The following CHMP2B variants were observed in gnomAD, a reference collection of about 807,000 sequenced individuals.
CHMP2B encodes VPS2 homolog B.
Under a neutral mutation model 29.8 loss-of-function variants are expected in CHMP2B, and 22 were observed. The observed-to-expected ratio is 0.74, with a 90% CI of 0.53 to 1.05. The LOEUF (loss-of-function observed/expected upper bound fraction) is 1.05. Among genes scored for constraint, CHMP2B ranks in the 50% least tolerant of loss-of-function variants. The pLI is 0.00. For missense variants in CHMP2B, 261 were observed against 252.2 expected, an observed-to-expected ratio of 1.03 and a Z score of -0.24; for synonymous variants, 78 against 75.8, an observed-to-expected ratio of 1.03 and a Z score of -0.15.
At chr3:87,230,328 A>G (rs1299076749) in intron 1 of CHMP2B, among the ~76,000 whole-genome samples, 3 of 152,196 alleles carry the variant, frequency 2.0e-5, no homozygotes, top group Admixed American at 6.5e-5. Flanking sequence ...CATAAAACAT[A>G]TAAGTACTCA....
intron 1 of CHMP2B, among the ~76,000 whole-genome samples, chr3:87,235,462 G>A (rs961624219): frequency 9.2e-5 from 14 of 151,990 alleles, no homozygotes; most frequent in Non-Finnish European, 1.3e-4. Flanking sequence ...AACATTAGCC[G>A]CTCTGAGTTT....
chr3:87,253,293 G>A, intron 4 of CHMP2B, 111 bp from the exon 5 acceptor site: 1 of 714,896 alleles, frequency 1.4e-6, no homozygotes. Context: ...TTTGTTCACT[G>A]AGTTTGCCTT....
rs544535734 is a variant in CHMP2B, at chr3:87,241,077, CCTT to C, written c.126+291_126+293del. On this transcript the variant is annotated intron_variant, in intron 2 of 5. Coordinates refer to ENST00000263780, the MANE Select transcript of CHMP2B (RefSeq NM_014043.4). ...AGAAAGATTGCTCAAGACAGAACCA[CCTT>C]CTTAGTTAACAGGAAGATGAAATAG... 2.6e-3 allele frequency among the ~76,000 whole-genome samples: 400 copies of C among 152,220 alleles called. 3 individuals are homozygous for C. Among genetic ancestry groups the C allele is most frequent in the Non-Finnish European group, 3.0e-3 (202 of 68,004 alleles).
At chr3:87,237,387 C>G (rs1231334409) in intron 1 of CHMP2B, among the ~76,000 whole-genome samples, 2 of 152,164 alleles carry the variant, frequency 1.3e-5, no homozygotes, top group African/African-American at 4.8e-5. Flanking sequence ...AAAAGGCCAT[C>G]TGAGAACACA....
At chr3:87,238,238 A>T (rs1339994630) in intron 1 of CHMP2B, among the ~76,000 whole-genome samples, 1 of 152,234 alleles carries the variant, frequency 6.6e-6, no homozygotes, top group Admixed American at 6.5e-5. Flanking sequence ...TTCATATAAC[A>T]TTAACCATTT....
chr3:87,233,542 C>A (rs1277749613), intron 1 of CHMP2B, among the ~76,000 whole-genome samples: 2 of 152,052 alleles, frequency 1.3e-5, no homozygotes, highest in Non-Finnish European at 2.9e-5. Context: ...CTCCATCATG[C>A]CTAGTTAGCT....
Position 87,246,128 on chromosome 3 carries a change from G to A in CHMP2B, c.321+220G>A, listed in dbSNP as rs1030731840. Among the ~76,000 whole-genome samples, 16 of 150,734 alleles carry A rather than the reference G, an allele frequency of 1.1e-4. 1 individual carries two copies. The highest frequency in any genetic ancestry group is 6.8e-3 in the Middle Eastern group (2 of 294). On this transcript the variant is annotated intron_variant, in intron 3 of 5. Coordinates refer to ENST00000263780, the MANE Select transcript of CHMP2B (RefSeq NM_014043.4). ...AAAATTTCTTGTTTGAGGACAATCC[G>A]TTTTCTTTCTTCTTTTCTTTTTTTT...
intron 2 of CHMP2B, 69 bp downstream of exon 2, chr3:87,240,859 C>A: frequency 8.5e-7 from 1 of 1,172,922 alleles, no homozygotes; most frequent in South Asian, 1.2e-5. Context: ...GAATAATTAG[C>A]TAACTAGGAA....
intron 1 of CHMP2B, among the ~76,000 whole-genome samples, chr3:87,238,711 C>T (rs1378876956): frequency 5.9e-5 from 9 of 152,048 alleles, no homozygotes; most frequent in Non-Finnish European, 1.0e-4. Flanking sequence ...TCTTTGTGAT[C>T]GTTTGGGTTA....
chr3:87,245,626 T>C, intron 2 of CHMP2B, 88 bp from the exon 3 acceptor site: 1 of 1,060,108 alleles, frequency 9.4e-7, no homozygotes, highest in South Asian at 1.4e-5. Flanking sequence ...AAGGGTCTGT[T>C]ATGTGTATTA....
chr3:87,240,873 G>A (rs1706105617), intron 2 of CHMP2B, 83 bp downstream of exon 2: 2 of 973,994 alleles, frequency 2.1e-6, no homozygotes, highest in African/African-American at 1.6e-5. Flanking sequence ...CTAGGAAGAA[G>A]GCACATGGCA....
chr3:87,252,089 T>C (rs1012420190), intron 4 of CHMP2B, among the ~76,000 whole-genome samples: 3 of 151,954 alleles, frequency 2.0e-5, no homozygotes, highest in African/African-American at 7.2e-5. Flanking sequence ...TTATGAAACA[T>C]CTTCAGTTTA....
intron 4 of CHMP2B, among the ~76,000 whole-genome samples, chr3:87,251,009 GA>G (rs1429969192): frequency 6.6e-6 from 1 of 151,876 alleles, no homozygotes; most frequent in East Asian, 1.9e-4. Context: ...TATAAAAAAT[GA>G]AAAATAGAAA....
chr3:87,254,016 A>G lies in CHMP2B; in HGVS notation c.*194A>G, dbSNP rs541208359. On this transcript the variant is annotated 3_prime_UTR_variant, in exon 6 of 6. Transcript: ENST00000263780. ...ATGACAATGATGCAAAAATGGGAAC[A>G]GTTTGGATTTTAATTAGAACTGTTT... 1 of 520,156 alleles carries G rather than the reference A, an allele frequency of 1.9e-6. No individual in the cohort carries two copies. The highest frequency in any genetic ancestry group is 3.5e-6 in the Non-Finnish European group (1 of 289,116). 32.2% of individuals were successfully genotyped at this position (520,156 alleles called of 1,614,324 possible). A position where few individuals can be genotyped will look rare whatever the true frequency, so the allele number is the denominator to read the frequency against.
chr3:87,246,340 C>G (rs960813773), intron 3 of CHMP2B, among the ~76,000 whole-genome samples: 3 of 151,940 alleles, frequency 2.0e-5, no homozygotes, highest in Non-Finnish European at 4.4e-5. Context: ...GTTTCACATG[C>G]TGGCCAGGCT....
At chr3:87,250,958 C>T (rs571650489) in intron 4 of CHMP2B, among the ~76,000 whole-genome samples, 1 of 151,932 alleles carries the variant, frequency 6.6e-6, no homozygotes, top group East Asian at 1.9e-4. Context: ...CAAAAACTGA[C>T]ATCATTGTTT....
chr3:87,250,243 GC>G (rs912313137), intron 4 of CHMP2B, among the ~76,000 whole-genome samples: 1 of 151,890 alleles, frequency 6.6e-6, no homozygotes, highest in Non-Finnish European at 1.5e-5. Context: ...TATAAGTCAA[GC>G]AGTTTCAGAG....
At chr3:87,241,162 C>T (rs1706111828) in intron 2 of CHMP2B, among the ~76,000 whole-genome samples, 1 of 152,076 alleles carries the variant, frequency 6.6e-6, no homozygotes, top group African/African-American at 2.4e-5. Flanking sequence ...AGGAGTCTTG[C>T]TTGATATTTT....
intron 1 of CHMP2B, among the ~76,000 whole-genome samples, chr3:87,230,326 A>G (rs1332648465): frequency 6.6e-6 from 1 of 152,178 alleles, no homozygotes; most frequent in Non-Finnish European, 1.5e-5. Context: ...CTCATAAAAC[A>G]TATAAGTACT....
Sources: allele counts gnomAD v4.1 joint callset (sites outside exome capture counted in the v4.1 genomes callset), GRCh38; gene constraint gnomAD v4.1.1; transcripts MANE v1.5; gene names NCBI Gene and HGNC (gene_info 2026-07-23, HGNC 2026-07-21).